The following C11orf65 variants were observed in gnomAD, a reference collection of about 807,000 sequenced individuals.
C11orf65 encodes protein MFI.
In C11orf65, 38 loss-of-function variants were observed where a neutral mutation model predicts 35.3. That is an observed-to-expected ratio of 1.08 (90% CI 0.83 to 1.41). The LOEUF is 1.41. C11orf65 is among the 40% of genes most tolerant of loss of function. The pLI is 0.00. For synonymous variants in C11orf65, 105 were observed against 114.4 expected, an observed-to-expected ratio of 0.92 and a Z score of 0.53; for missense variants, 370 against 367.1, an observed-to-expected ratio of 1.01 and a Z score of -0.06.
At chr11:108,374,820 T>G (rs1475253655) in intron 2 of C11orf65, among the ~76,000 whole-genome samples, 1 of 151,974 alleles carries the variant, frequency 6.6e-6, no homozygotes, top group Non-Finnish European at 1.5e-5. Flanking sequence ...AAGCCAAGGC[T>G]CGAAAACTAC....
At chr11:108,395,809 G>C (rs533819561) in intron 6 of C11orf65, among the ~76,000 whole-genome samples, 2 of 150,880 alleles carry the variant, frequency 1.3e-5, no homozygotes, top group African/African-American at 4.9e-5. Flanking sequence ...TTTTAGTAGA[G>C]ACGGGATTTC....
rs772608345 is a variant in C11orf65, at chr11:108,317,424, T to C, written c.641-8353A>G. On this transcript the variant is annotated intron_variant, in intron 6 of 6. Coordinates refer to the C11orf65 transcript ENST00000525729. ...TATTCTTTCCGTCTATTTAAAAGGA[T>C]TGGATTATGAAAATAAAGACTGGTG... 10 of 1,612,622 alleles carry C rather than the reference T, an allele frequency of 6.2e-6. No individual in the cohort carries two copies. Among genetic ancestry groups the C allele is most frequent in the Admixed American group, 3.3e-5 (2 of 59,902 alleles).
At chr11:108,446,122 T>C (rs1438500369) in intron 2 of C11orf65, among the ~76,000 whole-genome samples, 1 of 152,072 alleles carries the variant, frequency 6.6e-6, no homozygotes, top group East Asian at 1.9e-4. Context: ...CCAAGAAATA[T>C]GGGACTACGT....
intron 2 of C11orf65, among the ~76,000 whole-genome samples, chr11:108,448,718 C>T (rs975095559): frequency 4.6e-5 from 7 of 152,250 alleles, no homozygotes; most frequent in African/African-American, 1.2e-4. Flanking sequence ...CCTTTGAAAA[C>T]GGGCACAAGA....
chr11:108,369,317 T>A (rs1364265332), intron 2 of C11orf65, among the ~76,000 whole-genome samples: 1 of 152,150 alleles, frequency 6.6e-6, no homozygotes, highest in African/African-American at 2.4e-5. Context: ...AATATCCTAG[T>A]AGTGTTTCTT....
chr11:108,422,631 C>A (rs994207644), intron 3 of C11orf65, among the ~76,000 whole-genome samples: 1 of 152,126 alleles, frequency 6.6e-6, no homozygotes, highest in African/African-American at 2.4e-5. Flanking sequence ...CACCTGTAAT[C>A]CCAGCACTTT....
At chr11:108,330,111 T>A, downstream of C11orf65, 1 of 1,372,302 alleles carries the variant, frequency 7.3e-7, no homozygotes. Context: ...TTCCCTGGGA[T>A]AAAAACCCAA....
chr11:108,314,454 ATT>A lies in C11orf65; in HGVS notation c.641-5385_641-5384del, dbSNP rs10716099. On this transcript the variant is annotated intron_variant, in intron 6 of 6. Coordinates refer to the C11orf65 transcript ENST00000525729. Reference sequence around the variant, plus strand: ...AAGATTGTTTGGTTTTGTTTGTGTGATTTTTTTTTTTTTATGTGATATAAGCC... The same window carrying A: ...AAGATTGTTTGGTTTTGTTTGTGTGATTTTTTTTTTTATGTGATATAAGCC... 5.7e-3 allele frequency among the ~76,000 whole-genome samples: 851 copies of A among 148,408 alleles called. 19 individuals carry two copies. The highest frequency in any genetic ancestry group is 5.2e-3 in the African/African-American group (210 of 40,358).
rs758135304 is a variant in C11orf65 at position 108,412,752 on chromosome 11, AAAG to A, written c.175-5606_175-5604del. ...GCTTTATCGAAGAGGAAGAAAGAAG[AAAG>A]AAGAAGAAGAAAGATATATGATACT... is the stretch of plus-strand genomic sequence containing the variant. On this transcript the variant is annotated intron_variant, in intron 3 of 8. Coordinates refer to ENST00000393084, the MANE Select transcript of C11orf65 (RefSeq NM_152587.5). 4.6e-5 allele frequency among the ~76,000 whole-genome samples: 7 copies of A among 152,156 alleles called. No individual in the cohort carries two copies. In the South Asian group the frequency reaches 6.2e-4, roughly 13 times the overall value.
intron 6 of C11orf65, among the ~76,000 whole-genome samples, chr11:108,399,958 T>C (rs1591467792): frequency 1.3e-5 from 2 of 152,316 alleles, no homozygotes; most frequent in South Asian, 2.1e-4. Flanking sequence ...GATTCTCCCA[T>C]TAGGTCTCTT....
intron 2 of C11orf65, among the ~76,000 whole-genome samples, chr11:108,362,982 C>G (rs2090963453): frequency 1.3e-5 from 2 of 150,104 alleles, no homozygotes; most frequent in African/African-American, 5.0e-5. Flanking sequence ...AACAACAAAA[C>G]AAACAAACAA....
At chr11:108,402,205 C>A (rs2092451613) in intron 6 of C11orf65, among the ~76,000 whole-genome samples, 1 of 152,134 alleles carries the variant, frequency 6.6e-6, no homozygotes, top group Non-Finnish European at 1.5e-5. Flanking sequence ...GGCAACTGTG[C>A]CAGTGCAGTC....
intron 6 of C11orf65, among the ~76,000 whole-genome samples, chr11:108,403,607 C>CGAGA (rs2092483680): frequency 6.6e-6 from 1 of 151,950 alleles, no homozygotes; most frequent in Non-Finnish European, 1.5e-5. Flanking sequence ...AAGATTTTCT[C>CGAGA]CTTCAATTAC....
chr11:108,360,926 A>C (rs1591361008), intron 2 of C11orf65, among the ~76,000 whole-genome samples: 1 of 111,774 alleles, frequency 8.9e-6, no homozygotes, highest in East Asian at 2.4e-4. Context: ...TATTCAACAT[A>C]GTGTTGGAAG....
At chr11:108,407,399 C>A (rs1017309014) in intron 3 of C11orf65, among the ~76,000 whole-genome samples, 7 of 151,154 alleles carry the variant, frequency 4.6e-5, no homozygotes, top group Non-Finnish European at 1.5e-5. Context: ...GCAGCCTTAA[C>A]CTCCTGGGCT....
chr11:108,397,476 G>T (rs962321503), intron 6 of C11orf65, among the ~76,000 whole-genome samples: 3 of 152,152 alleles, frequency 2.0e-5, no homozygotes, highest in African/African-American at 4.8e-5. Flanking sequence ...TGTCACAACA[G>T]AGAGAGAAGT....
intron 2 of C11orf65, among the ~76,000 whole-genome samples, chr11:108,437,275 AG>A (rs1683445528): frequency 6.6e-6 from 1 of 152,058 alleles, no homozygotes; most frequent in African/African-American, 2.4e-5. Context: ...TGACAGAGCA[AG>A]AACTTGCCTC....
rs188404773 is a variant in C11orf65 at position 108,333,876 on chromosome 11, T to C, written c.299+1344A>G. On this transcript the variant is annotated intron_variant, in intron 3 of 3. Transcript: ENST00000524755. ...GTTTGTCACTAAAATCTCTTCATTT[T>C]TAAATACAGAAGGCATAAATATTCC... 1.4e-4 allele frequency: 224 copies of C among 1,592,806 alleles called. 1 individual carries two copies. In the African/African-American group the frequency reaches 2.4e-3, roughly 17 times the overall value.
At chr11:108,358,529 T>TA (rs1310816223) in intron 2 of C11orf65, among the ~76,000 whole-genome samples, 2 of 141,976 alleles carry the variant, frequency 1.4e-5, no homozygotes, top group African/African-American at 5.3e-5. Context: ...GAAAAAATGT[T>TA]AAGGGCAGCC....
Sources: gnomAD v4.1 joint callset for allele counts (sites outside exome capture counted in the v4.1 genomes callset) on GRCh38, gnomAD v4.1.1 for gene constraint, MANE v1.5 for transcripts, NCBI Gene and HGNC (gene_info 2026-07-23, HGNC 2026-07-21) for gene names.